The following FAM120A variants were observed in gnomAD, a reference collection of about 807,000 sequenced individuals.
FAM120A encodes constitutive coactivator of PPAR-gamma-like protein 1.
A neutral mutation model predicts 109.7 loss-of-function variants in FAM120A; 15 were observed. The ratio of observed to expected loss-of-function variants is 0.14; its 90% confidence interval spans 0.09 to 0.21. FAM120A has a LOEUF of 0.21. Ranked by LOEUF, FAM120A falls within the 10% of genes least tolerant of loss-of-function variation. The probability of loss-of-function intolerance (pLI) is 1.00; values close to 1 mark genes in which losing one functional copy is unlikely to be tolerated. For synonymous variants in FAM120A, 493 were observed against 572.8 expected (o/e 0.86, Z 1.99); for missense variants, 899 against 1,439.3 (o/e 0.62, Z 6.07).
chr9:93,490,834 A>G (rs1330743603), intron 3 of FAM120A, among the ~76,000 whole-genome samples: 1 of 152,202 alleles, frequency 6.6e-6, no homozygotes, highest in East Asian at 1.9e-4. Flanking sequence ...AATTCACTGA[A>G]ATCAGTGGCT....
intron 5 of FAM120A, among the ~76,000 whole-genome samples, chr9:93,499,647 C>T (rs1261618632): frequency 6.6e-6 from 1 of 152,170 alleles, no homozygotes; most frequent in Non-Finnish European, 1.5e-5. Flanking sequence ...TATTTATAAG[C>T]TGTTAGCCTG....
At chr9:93,522,906 T>C (rs954136161) in intron 7 of FAM120A, among the ~76,000 whole-genome samples, 2 of 152,218 alleles carry the variant, frequency 1.3e-5, no homozygotes, top group African/African-American at 4.8e-5. Context: ...GGTGTTAGCA[T>C]GCTCTGTGAG....
At chr9:93,560,090 C>G (rs578140448) in intron 15 of FAM120A, among the ~76,000 whole-genome samples, 198 of 152,168 alleles carry the variant, frequency 1.3e-3, no homozygotes, top group African/African-American at 4.6e-3. Context: ...GGCAGGAGTT[C>G]AAGACCAGCC....
rs942779278 is a variant in FAM120A at position 93,452,925 on chromosome 9, T to G, written c.474+536T>G. The G allele has an allele frequency of 3.3e-5, 47 of 1,421,852 alleles. No homozygotes were observed. Among genetic ancestry groups the G allele is most frequent in the Middle Eastern group, 2.6e-4 (1 of 3,916 alleles). 88.1% of individuals were successfully genotyped at this position (1,421,852 alleles called of 1,614,324 possible). The stretch of plus-strand genomic sequence containing the variant: ...TTGTTAGCCCGGTGACAGCGAGACG[T>G]GTCTAAGGGCCAGTGCCCTGGCCTC... On this transcript the variant is annotated intron_variant, in intron 1 of 17. Coordinates refer to ENST00000277165, the MANE Select transcript of FAM120A (RefSeq NM_014612.5). This position sits in a 1 kb window ranked among gnomAD's most constrained non-coding sequence, Gnocchi z 7.0.
Position 93,471,153 on chromosome 9 carries a change from A to T in FAM120A, c.487A>T (p.Ile163Phe). The change falls in exon 2 of 18, where the codon ATT (isoleucine) becomes TTT (phenylalanine). Residue 163 changes from isoleucine to phenylalanine, a missense_variant. Physicochemically the swap from Ile to Phe is conservative, Grantham distance 21 (BLOSUM62 0). Coordinates refer to ENST00000277165, the MANE Select transcript of FAM120A (RefSeq NM_014612.5). ...IRFHVKVAQS[I>F]EDHHQEVIGF... ...TCTCGTTTGCCAGGTTGCACAGAGC[A>T]TTGAGGATCACCATCAGGAAGTGAT... is the stretch of plus-strand genomic sequence containing the variant. 6.2e-7 allele frequency: 1 copy of T among 1,614,204 alleles called. No individual in the cohort carries two copies. The highest frequency in any genetic ancestry group is 1.1e-5 in the South Asian group (1 of 91,084).
intron 1 of FAM120A, among the ~76,000 whole-genome samples, chr9:93,458,849 G>C (rs1857668108): frequency 6.6e-6 from 1 of 151,964 alleles, no homozygotes; most frequent in South Asian, 2.1e-4. Flanking sequence ...TCTCCTGTTG[G>C]GACTTGAACA....
chr9:93,496,422 T>C (rs776739422), intron 3 of FAM120A, among the ~76,000 whole-genome samples: 5 of 152,206 alleles, frequency 3.3e-5, no homozygotes, highest in Non-Finnish European at 7.3e-5. Flanking sequence ...TCAAAATTAC[T>C]CCTTTATCCA....
At chr9:93,527,998 G>A (rs901604124) in intron 8 of FAM120A, among the ~76,000 whole-genome samples, 5 of 152,018 alleles carry the variant, frequency 3.3e-5, no homozygotes, top group African/African-American at 4.8e-5. Flanking sequence ...AGCCATGTAC[G>A]TCTGCCACAT....
intron 3 of FAM120A, among the ~76,000 whole-genome samples, chr9:93,493,014 A>C (rs978827867): frequency 6.6e-6 from 1 of 152,148 alleles, no homozygotes; most frequent in African/African-American, 2.4e-5. Flanking sequence ...CACCTTCTCT[A>C]TGAACTTCTT....
chr9:93,498,374 AAG>A lies in FAM120A; in HGVS notation c.934-413_934-412del, dbSNP rs1159891713. On this transcript the variant is annotated intron_variant, in intron 4 of 17. Transcript: ENST00000277165. This position sits in a 1 kb window ranked among gnomAD's most constrained non-coding sequence, Gnocchi z 4.4. Reference sequence around the variant, plus strand: ...TGCCACCGCACTCCAGCCTGGGTGAAAGAGCGAAACTCCGTCTCAGAAGAAAA... The same window carrying A: ...TGCCACCGCACTCCAGCCTGGGTGAAAGCGAAACTCCGTCTCAGAAGAAAA... 2.0e-5 allele frequency among the ~76,000 whole-genome samples: 3 copies of A among 152,126 alleles called. No homozygotes were observed. Among genetic ancestry groups the A allele is most frequent in the Admixed American group, 6.5e-5 (1 of 15,270 alleles).
In FAM120A at chr9:93,451,834, A is replaced by G. The variant is rs1294251000; in HGVS notation, c.-82A>G. Reference sequence around the variant, plus strand: ...CTAGAGGCCGCCGCCCCCGCCCGCCAGCCCGCCCGCGCGCCACGGCCCCAC... The same window carrying G: ...CTAGAGGCCGCCGCCCCCGCCCGCCGGCCCGCCCGCGCGCCACGGCCCCAC... On this transcript the variant is annotated 5_prime_UTR_variant, in exon 1 of 18. Transcript: ENST00000277165. 1.5e-6 allele frequency: 1 copy of G among 687,194 alleles called. No homozygotes were observed. The highest frequency in any genetic ancestry group is 4.1e-5 in the African/African-American group (1 of 24,358). 42.6% of individuals were successfully genotyped at this position (687,194 alleles called of 1,614,324 possible). A position where few individuals can be genotyped will look rare whatever the true frequency, so the allele number is the denominator to read the frequency against.
intron 7 of FAM120A, among the ~76,000 whole-genome samples, chr9:93,523,768 A>T (rs1053258630): frequency 2.0e-5 from 3 of 152,228 alleles, no homozygotes; most frequent in African/African-American, 7.2e-5. Context: ...CCATCATCTG[A>T]CTGCCACATG....
intron 16 of FAM120A, 37 bp downstream of exon 16, chr9:93,561,287 T>TA: frequency 6.4e-7 from 1 of 1,560,458 alleles, no homozygotes; most frequent in Non-Finnish European, 8.6e-7. Flanking sequence ...TTTGTATAAG[T>TA]AAAGAAAACA....
At chr9:93,462,080 T>C (rs1409255629) in intron 1 of FAM120A, among the ~76,000 whole-genome samples, 1 of 152,190 alleles carries the variant, frequency 6.6e-6, no homozygotes, top group African/African-American at 2.4e-5. Context: ...TACATCCTAA[T>C]TGTCGTTAAT....
At chr9:93,523,360 A>AT (rs1353935059) in intron 7 of FAM120A, 1 of 1,284,292 alleles carries the variant, frequency 7.8e-7, no homozygotes, top group Non-Finnish European at 1.0e-6. Flanking sequence ...ATCCTGAGGC[A>AT]TGGGTAGGTA....
intron 3 of FAM120A, among the ~76,000 whole-genome samples, chr9:93,495,201 G>A (rs1334230772): frequency 6.6e-6 from 1 of 152,200 alleles, no homozygotes; most frequent in Non-Finnish European, 1.5e-5. Flanking sequence ...ACCCTGTGGA[G>A]GGTACCATCT....
At chr9:93,453,275 C>T (rs993046674) in intron 1 of FAM120A, 1 of 988,144 alleles carries the variant, frequency 1.0e-6, no homozygotes, top group Non-Finnish European at 1.2e-6. Context: ...ATATCACCGG[C>T]CTCCTCTGGC....
intron 5 of FAM120A, among the ~76,000 whole-genome samples, chr9:93,511,478 G>A (rs1270701552): frequency 6.6e-6 from 1 of 152,228 alleles, no homozygotes; most frequent in Non-Finnish European, 1.5e-5. Context: ...CCTATAGGAT[G>A]GCCAGACGCC....
intron 3 of FAM120A, among the ~76,000 whole-genome samples, chr9:93,479,341 G>T (rs991282487): frequency 2.6e-5 from 4 of 151,940 alleles, no homozygotes; most frequent in Non-Finnish European, 5.9e-5. Context: ...CTCGTGATCC[G>T]CCCGCCTCGG....
Sources: allele counts gnomAD v4.1 joint callset (sites outside exome capture counted in the v4.1 genomes callset), GRCh38; gene constraint gnomAD v4.1.1; non-coding constraint Gnocchi (gnomAD v3.1); transcripts MANE v1.5; gene names NCBI Gene and HGNC (gene_info 2026-07-23, HGNC 2026-07-21).